NPSR1: variants seen among roughly 807,000 people sequenced by gnomAD.
NPSR1 encodes the protein neuropeptide S receptor 1.
A neutral mutation model predicts 46.9 loss-of-function variants in NPSR1; 48 were observed. That is an observed-to-expected ratio of 1.02 (90% CI 0.81 to 1.30). The LOEUF is 1.30. NPSR1 is among the 50% of genes most tolerant of loss of function. The pLI, the probability that NPSR1 is intolerant of heterozygous loss-of-function variation, is 0.00. For synonymous variants in NPSR1, 176 were observed against 168.1 expected (o/e 1.05, Z -0.36); for missense variants, 450 against 449.5 (o/e 1.00, Z -0.01).
intron 4 of NPSR1, among the ~76,000 whole-genome samples, chr7:34,818,145 A>G (rs1372434471): frequency 1.3e-5 from 2 of 150,604 alleles, no homozygotes; most frequent in Non-Finnish European, 3.0e-5. Flanking sequence ...TTTGTAGACC[A>G]CATGATTGTA....
intron 2 of NPSR1, among the ~76,000 whole-genome samples, chr7:34,705,736 C>T (rs922907216): frequency 3.9e-5 from 6 of 151,976 alleles, no homozygotes; most frequent in Non-Finnish European, 5.9e-5. Flanking sequence ...TGCCAAGCAC[C>T]GAACTAAGCA....
At chr7:34,724,241 T>C (rs1784020540) in intron 2 of NPSR1, among the ~76,000 whole-genome samples, 1 of 152,240 alleles carries the variant, frequency 6.6e-6, no homozygotes. Context: ...TGTAGCCATA[T>C]TGCCACAGAA....
chr7:34,846,346 C>A (rs1790740674), intron 7 of NPSR1, among the ~76,000 whole-genome samples: 1 of 152,152 alleles, frequency 6.6e-6, no homozygotes, highest in Non-Finnish European at 1.5e-5. Context: ...ACAGCCCTAC[C>A]AGACCAAAAG....
At chr7:34,665,758 T>C (rs995659240) in intron 1 of NPSR1, among the ~76,000 whole-genome samples, 6 of 152,094 alleles carry the variant, frequency 3.9e-5, no homozygotes, top group African/African-American at 1.4e-4. Flanking sequence ...CTCTGTGCAA[T>C]ATGGTTCCTC....
At chr7:34,869,058 G>T (rs562390894) in intron 8 of NPSR1, among the ~76,000 whole-genome samples, 1 of 151,780 alleles carries the variant, frequency 6.6e-6, no homozygotes, top group African/African-American at 2.4e-5. Flanking sequence ...GAAAGATGTT[G>T]CATGCACCAC....
At chr7:34,793,266 C>T in intron 3 of NPSR1, among the ~76,000 whole-genome samples, 1 of 152,034 alleles carries the variant, frequency 6.6e-6, no homozygotes, top group African/African-American at 2.4e-5. Context: ...AGTAAAGATA[C>T]AGTTTACAGA....
intron 3 of NPSR1, among the ~76,000 whole-genome samples, chr7:34,783,348 T>G (rs1265789785): frequency 1.3e-5 from 2 of 151,950 alleles, no homozygotes; most frequent in Non-Finnish European, 2.9e-5. Context: ...GAATGAGAAC[T>G]GAGCAAAAGG....
At position 34,849,563 on chromosome 7, in the gene NPSR1, A is replaced by G. The variant is rs1790869562; in HGVS notation, c.1026-2A>G. The G allele has an allele frequency of 6.2e-7, 1 of 1,614,078 alleles. No homozygotes were observed. The highest frequency in any genetic ancestry group is 8.5e-7 in the Non-Finnish European group (1 of 1,179,926). On this transcript the variant is annotated splice_acceptor_variant, in intron 8 of 8. Coordinates refer to ENST00000360581, the MANE Select transcript of NPSR1 (RefSeq NM_207172.2). LOFTEE classifies it high-confidence loss of function. ...TCCCTGCTTTATTTTGACTTTCTCCAGGGAGCAAAGATCACAGGATTCCAG... is the reference window on the plus strand; with the variant it reads ...TCCCTGCTTTATTTTGACTTTCTCCGGGGAGCAAAGATCACAGGATTCCAG...
At chr7:34,666,139 C>T (rs773005521) in intron 1 of NPSR1, among the ~76,000 whole-genome samples, 1 of 152,070 alleles carries the variant, frequency 6.6e-6, no homozygotes. Flanking sequence ...GGGAGGGATT[C>T]GTGACATCAC....
chr7:34,663,069 G>GTGTGTGTGTGTGTGTGTGTT (rs1203512481), intron 1 of NPSR1, among the ~76,000 whole-genome samples: 7,120 of 70,554 alleles, frequency 0.1, 266 homozygotes, highest in Middle Eastern at 0.16. Flanking sequence ...CTCTCTCTCT[G>GTGTGTGTGTGTGTGTGTGTT]TGTGTGTGTG....
intron 2 of NPSR1, among the ~76,000 whole-genome samples, chr7:34,696,632 A>G (rs535884529): frequency 6.1e-4 from 93 of 152,216 alleles, no homozygotes; most frequent in Middle Eastern, 3.4e-3. Context: ...TTGAACTGGA[A>G]TATAGGTCCA....
intron 2 of NPSR1, among the ~76,000 whole-genome samples, chr7:34,698,969 C>T (rs2128694494): frequency 1.3e-5 from 2 of 151,932 alleles, no homozygotes; most frequent in South Asian, 4.2e-4. Context: ...CCCATATAAC[C>T]CGAAATCTTC....
At chr7:34,808,113 A>G (rs1788800121) in intron 3 of NPSR1, among the ~76,000 whole-genome samples, 1 of 152,134 alleles carries the variant, frequency 6.6e-6, no homozygotes. Flanking sequence ...GCTTGGGCCG[A>G]TATGGTCACA....
chr7:34,876,907 G>T (rs1175397545), intron 8 of NPSR1, among the ~76,000 whole-genome samples: 1 of 152,214 alleles, frequency 6.6e-6, no homozygotes, highest in Non-Finnish European at 1.5e-5. Context: ...CTCCAGCAGT[G>T]AGGGTCAGTG....
chr7:34,845,048 G>C (rs1215053129), intron 7 of NPSR1, 66 bp downstream of exon 7: 2 of 1,045,526 alleles, frequency 1.9e-6, no homozygotes, highest in Non-Finnish European at 3.0e-6. Flanking sequence ...TTGCTCCTGG[G>C]ACCTGGTGAC....
chr7:34,799,129 G>T (rs893755987), intron 3 of NPSR1, among the ~76,000 whole-genome samples: 2 of 152,076 alleles, frequency 1.3e-5, no homozygotes, highest in Admixed American at 6.5e-5. Context: ...TTAAATTGAA[G>T]TAGAATTTAA....
chr7:34,730,431 A>G (rs1318131662), intron 2 of NPSR1, among the ~76,000 whole-genome samples: 1 of 152,176 alleles, frequency 6.6e-6, no homozygotes, highest in Admixed American at 6.5e-5. Context: ...AAAGGATAGC[A>G]GTGTCTTGGG....
chr7:34,679,130 CTG>C (rs74933403), intron 1 of NPSR1, among the ~76,000 whole-genome samples: 26,874 of 151,936 alleles, frequency 0.18, 3,462 homozygotes, highest in African/African-American at 0.36. Context: ...AAGAGAATAA[CTG>C]TTTCAAATTA....
At chr7:34,793,464 C>T (rs191890186) in intron 3 of NPSR1, among the ~76,000 whole-genome samples, 3 of 152,078 alleles carry the variant, frequency 2.0e-5, no homozygotes, top group East Asian at 1.9e-4. Flanking sequence ...AACATGTATA[C>T]GAAAATATGC....
Sources: allele counts gnomAD v4.1 joint callset (sites outside exome capture counted in the v4.1 genomes callset), GRCh38; gene constraint gnomAD v4.1.1; transcripts MANE v1.5; gene names NCBI Gene and HGNC (gene_info 2026-07-23, HGNC 2026-07-21).